CPS1: variants seen among roughly 807,000 people sequenced by gnomAD.
CPS1 encodes the protein carbamoyl-phosphate synthase 1, also known as carbamoyl-phosphate synthase [ammonia], mitochondrial.
CPS1 carries 109 observed loss-of-function variants against 174.6 expected under a neutral mutation model. That is an observed-to-expected ratio of 0.62 (90% CI 0.53 to 0.73). The LOEUF (loss-of-function observed/expected upper bound fraction) is 0.73. CPS1 is among the 30% of genes least tolerant of loss of function. The pLI is 0.00. For missense variants in CPS1, 1,689 were observed against 1,821.9 expected, an observed-to-expected ratio of 0.93 and a Z score of 1.33; for synonymous variants, 637 against 632.0, an observed-to-expected ratio of 1.01 and a Z score of -0.12.
chr2:210,563,038 C>G (rs941753974), intron 1 of CPS1, among the ~76,000 whole-genome samples: 76 of 152,016 alleles, frequency 5.0e-4, no homozygotes, highest in African/African-American at 1.8e-3. Context: ...CACATGGATG[C>G]CTGTTTTTGT....
At position 210,556,868 on chromosome 2, in the gene CPS1, C is replaced by T; in HGVS notation, c.126+9C>T. 6.2e-7 allele frequency: 1 copy of T among 1,612,524 alleles called. No homozygotes were observed. Among genetic ancestry groups the T allele is most frequent in the Non-Finnish European group, 8.5e-7 (1 of 1,178,944 alleles). ...GGCTCCTTTCTGTCAAGGTAATACC[C>T]ATATTGATTGTTTCTGATAAAATAC... On this transcript the variant is annotated intron_variant, in intron 1 of 37. Transcript: ENST00000233072.
chr2:210,478,480 G>C lies in CPS1; in HGVS notation c.3+714G>C, dbSNP rs561682333. Among the ~76,000 whole-genome samples, 3 of 152,260 alleles carry C rather than the reference G, an allele frequency of 2.0e-5. No homozygotes were observed. In the East Asian group the frequency reaches 5.8e-4, roughly 29 times the overall value. On this transcript the variant is annotated intron_variant, in intron 1 of 38. Coordinates refer to the CPS1 transcript ENST00000430249. ...ATTGTTTTCCTGTTGATTTGAAAGA[G>C]TTTTGTTTCTTTTTTTCCCGTGTTT...
chr2:210,572,555 TC>T (rs1008009732), intron 1 of CPS1, among the ~76,000 whole-genome samples: 1 of 152,078 alleles, frequency 6.6e-6, no homozygotes, highest in Non-Finnish European at 1.5e-5. Flanking sequence ...TTGTCCCTCT[TC>T]TTAGCTAAGA....
chr2:210,665,125 T>A (rs1213948502), intron 33 of CPS1, among the ~76,000 whole-genome samples: 1 of 152,216 alleles, frequency 6.6e-6, no homozygotes, highest in African/African-American at 2.4e-5. Context: ...AATTTGAGAC[T>A]CATTAACTTA....
intron 37 of CPS1, 104 bp from the exon 38 acceptor site, chr2:210,677,783 C>T: frequency 1.1e-6 from 1 of 920,692 alleles, no homozygotes; most frequent in Non-Finnish European, 1.8e-6. Context: ...TTATCCCATA[C>T]CCCTTTGAAA....
intron 21 of CPS1, among the ~76,000 whole-genome samples, chr2:210,629,515 C>T (rs980516988): frequency 9.2e-5 from 14 of 151,592 alleles, no homozygotes; most frequent in Non-Finnish European, 1.6e-4. Flanking sequence ...CGGGGTTTCA[C>T]CGTGTTAGCC....
At chr2:210,516,355 C>G (rs556280378) in intron 1 of CPS1, among the ~76,000 whole-genome samples, 1 of 151,890 alleles carries the variant, frequency 6.6e-6, no homozygotes, top group South Asian at 2.1e-4. Flanking sequence ...CTCTCACCAC[C>G]TCATCCAATT....
intron 27 of CPS1, among the ~76,000 whole-genome samples, chr2:210,649,155 A>G (rs1005129176): frequency 2.6e-5 from 4 of 152,228 alleles, no homozygotes; most frequent in Admixed American, 6.5e-5. Context: ...GCTTTGCACA[A>G]TTTGAAAGTG....
chr2:210,543,032 C>T (rs72934370), intron 1 of CPS1, among the ~76,000 whole-genome samples: 30,899 of 151,990 alleles, frequency 0.2, 3,667 homozygotes, highest in Middle Eastern at 0.32. Context: ...TAAAGAAACA[C>T]TCCTTAATCG....
chr2:210,603,698 A>G (rs1171001621), intron 16 of CPS1, among the ~76,000 whole-genome samples: 1 of 151,878 alleles, frequency 6.6e-6, no homozygotes, highest in Non-Finnish European at 1.5e-5. Flanking sequence ...TTGGAATGAA[A>G]TAGCTTTCAA....
At chr2:210,615,406 T>C (rs1176017797) in intron 20 of CPS1, among the ~76,000 whole-genome samples, 1 of 152,004 alleles carries the variant, frequency 6.6e-6, no homozygotes, top group Non-Finnish European at 1.5e-5. Context: ...TCTCAACAAT[T>C]ATAATCATGG....
At chr2:210,647,428 G>A (rs1350208911) in intron 25 of CPS1, among the ~76,000 whole-genome samples, 3 of 152,158 alleles carry the variant, frequency 2.0e-5, no homozygotes, top group African/African-American at 4.8e-5. Flanking sequence ...GAGTGTAGGA[G>A]CAATTTGATG....
intron 25 of CPS1, among the ~76,000 whole-genome samples, chr2:210,645,608 C>A (rs1213076954): frequency 1.3e-5 from 2 of 151,894 alleles, no homozygotes; most frequent in Non-Finnish European, 2.9e-5. Context: ...CAGCCTGGAC[C>A]CCATCTCTAC....
intron 1 of CPS1, among the ~76,000 whole-genome samples, chr2:210,537,279 C>T (rs1184141019): frequency 6.6e-6 from 1 of 152,184 alleles, no homozygotes; most frequent in Non-Finnish European, 1.5e-5. Flanking sequence ...CCAACTATAA[C>T]TGGTAAAACT....
intron 1 of CPS1, among the ~76,000 whole-genome samples, chr2:210,539,529 G>A (rs1287638466): frequency 6.6e-6 from 1 of 152,120 alleles, no homozygotes; most frequent in Non-Finnish European, 1.5e-5. Flanking sequence ...AGGTAACCCT[G>A]TCCTTGCTTG....
At chr2:210,614,722 A>C (rs961427452) in intron 20 of CPS1, among the ~76,000 whole-genome samples, 12 of 152,008 alleles carry the variant, frequency 7.9e-5, no homozygotes, top group Non-Finnish European at 1.6e-4. Context: ...GGATGAATTC[A>C]TGTCCTTTGC....
intron 22 of CPS1, among the ~76,000 whole-genome samples, chr2:210,638,881 T>A (rs1700120079): frequency 6.6e-6 from 1 of 152,160 alleles, no homozygotes. Flanking sequence ...ACCAGTTGAC[T>A]ATAGGACCAC....
intron 14 of CPS1, 41 bp from the exon 15 acceptor site, chr2:210,600,514 T>C (rs1202131920): frequency 1.9e-6 from 3 of 1,604,468 alleles, no homozygotes; most frequent in East Asian, 2.2e-5. Flanking sequence ...AGGCACAAAA[T>C]TCAAGATTTT....
chr2:210,658,531 T>C, intron 30 of CPS1, 68 bp from the exon 31 acceptor site: 1 of 1,301,634 alleles, frequency 7.7e-7, no homozygotes, highest in Non-Finnish European at 1.1e-6. Context: ...GTACTGTGCC[T>C]TTTAGAAAGT....
Sources: gnomAD v4.1 joint callset for allele counts (sites outside exome capture counted in the v4.1 genomes callset) on GRCh38, gnomAD v4.1.1 for gene constraint, MANE v1.5 for transcripts, NCBI Gene and HGNC (gene_info 2026-07-23, HGNC 2026-07-21) for gene names.